The following BEGAIN variants were observed in gnomAD, a reference collection of about 807,000 sequenced individuals.
BEGAIN encodes brain enriched guanylate kinase associated, also known as brain-enriched guanylate kinase-associated protein.
Under a neutral mutation model 35.8 loss-of-function variants are expected in BEGAIN, and 19 were observed. The ratio of observed to expected loss-of-function variants is 0.53; its 90% CI spans 0.37 to 0.78. BEGAIN has a LOEUF of 0.78. BEGAIN is among the 30% of genes least tolerant of loss of function. The pLI, the probability that BEGAIN is intolerant of heterozygous loss-of-function variation, is 0.00. For missense variants in BEGAIN, 795 were observed against 853.6 expected (o/e 0.93, Z 0.85); for synonymous variants, 462 against 388.6 (o/e 1.19, Z -2.22).
In BEGAIN at chr14:100,573,345, G is replaced by A. The variant is rs12896257; in HGVS notation, c.43-5406C>T. ...GGGTGAGTCCTGGGAGGTCGCTAGAGGAGCAGCCCTGCGGCTGTGCCTGGT... is the reference window on the plus strand; with the variant it reads ...GGGTGAGTCCTGGGAGGTCGCTAGAAGAGCAGCCCTGCGGCTGTGCCTGGT... On this transcript the variant is annotated intron_variant, in intron 1 of 6. Transcript: ENST00000554140. The surrounding 1 kb of genome is among the most constrained non-coding windows in gnomAD (Gnocchi z 4.2). Among the ~76,000 whole-genome samples the A allele has an allele frequency of 6.6e-6, 1 of 152,110 alleles. No homozygotes were observed. Among genetic ancestry groups the A allele is most frequent in the Non-Finnish European group, 1.5e-5 (1 of 68,012 alleles).
At chr14:100,571,734 C>T (rs1003625820) in intron 1 of BEGAIN, among the ~76,000 whole-genome samples, 1 of 152,112 alleles carries the variant, frequency 6.6e-6, no homozygotes, top group African/African-American at 2.4e-5. Flanking sequence ...CATCCGACCC[C>T]CATGCCCAGC....
Position 100,567,899 on chromosome 14 carries a change from C to T in BEGAIN, c.71+12G>A, listed in dbSNP as rs769017696. The T allele has an allele frequency of 2.3e-5, 33 of 1,466,030 alleles. No individual in the cohort carries two copies. The highest frequency in any genetic ancestry group is 1.9e-4 in the Middle Eastern group (1 of 5,296). The allele number at this position is 1,466,030 out of a possible 1,614,324, so 90.8% of individuals were successfully genotyped here. On this transcript the variant is annotated intron_variant, in intron 2 of 6. Coordinates refer to ENST00000554140, the MANE Select transcript of BEGAIN (RefSeq NM_001385089.1). The surrounding 1 kb of genome is among the most constrained non-coding windows in gnomAD (Gnocchi z 5.1). ...CCCCCGCGAGCCGCGGCACGGGAGACGCTCCACTCACCTGAGTTTCTCCAT... is the reference window on the plus strand; with the variant it reads ...CCCCCGCGAGCCGCGGCACGGGAGATGCTCCACTCACCTGAGTTTCTCCAT...
At chr14:100,544,926 G>T in intron 4 of BEGAIN, 74 bp downstream of exon 4, 1 of 1,469,602 alleles carries the variant, frequency 6.8e-7, no homozygotes. Context: ...GAGTGGCCCA[G>T]GGGTGTCAGC....
At chr14:100,553,256 G>A (rs1317118186) in intron 2 of BEGAIN, among the ~76,000 whole-genome samples, 3 of 152,052 alleles carry the variant, frequency 2.0e-5, no homozygotes, top group African/African-American at 7.2e-5. Context: ...CTGGTGAGAT[G>A]CCCCTCCCGC....
intron 1 of BEGAIN, among the ~76,000 whole-genome samples, chr14:100,582,889 G>A (rs555815455): frequency 4.0e-5 from 6 of 151,880 alleles, no homozygotes; most frequent in African/African-American, 7.2e-5. Flanking sequence ...CTGACCCTGC[G>A]CCTGCGTAGT....
chr14:100,582,964 G>A (rs1018259740), intron 1 of BEGAIN, among the ~76,000 whole-genome samples: 1 of 151,292 alleles, frequency 6.6e-6, no homozygotes, highest in East Asian at 1.9e-4. Flanking sequence ...GGGAAATCAA[G>A]GCATGAGTGA....
chr14:100,542,476 A>C (rs1595108884), intron 5 of BEGAIN, among the ~76,000 whole-genome samples: 1 of 152,076 alleles, frequency 6.6e-6, no homozygotes, highest in Admixed American at 6.5e-5. Flanking sequence ...GCTCAACTCC[A>C]GACCCGGGCC....
intron 1 of BEGAIN, 30 bp downstream of exon 1, chr14:100,587,196 CCCGCCTCCGCGCCCGCGCCCGCG>C (rs2035464278): frequency 5.6e-6 from 1 of 178,444 alleles, no homozygotes; most frequent in Admixed American, 6.3e-5. Context: ...TGGCGCCCGC[CCCGCCTCCGCGCCCGCGCCCGCG>C]CCCTGCCCTC....
At chr14:100,559,181 G>A (rs929182497) in intron 2 of BEGAIN, among the ~76,000 whole-genome samples, 22 of 152,102 alleles carry the variant, frequency 1.4e-4, no homozygotes, top group African/African-American at 4.3e-4. Flanking sequence ...GGCTGTCTCC[G>A]AGAGCCAAGG....
rs138472168 is a variant in BEGAIN at position 100,546,536 on chromosome 14, C to T, written c.198G>A (p.Gln66=). 9.5e-6 allele frequency: 15 copies of T among 1,577,470 alleles called. No individual in the cohort carries two copies. The highest frequency in any genetic ancestry group is 1.1e-5 in the Non-Finnish European group (13 of 1,167,568). The change falls in exon 3 of 7, where the codon CAG becomes CAA. Residue 66 remains glutamine, a synonymous_variant. Transcript: ENST00000554140. ...TCTCCGTGACCTTCTCCAGTTCCTC[C>T]TGCGCGCGCCGCAGCTCGATCTCCA... The part of the protein sequence containing the change: ...HYLEIELRRA[Q]EELEKVTEKL...
chr14:100,561,614 G>A (rs554957247), intron 2 of BEGAIN, among the ~76,000 whole-genome samples: 117 of 152,178 alleles, frequency 7.7e-4, no homozygotes, highest in African/African-American at 2.7e-3. Flanking sequence ...CTGGTGTGGT[G>A]GCACATGACT....
Position 100,568,125 on chromosome 14 carries a change from G to A in BEGAIN, c.43-186C>T. On this transcript the variant is annotated intron_variant, in intron 1 of 6. Transcript: ENST00000554140. This position sits in a 1 kb window ranked among gnomAD's most constrained non-coding sequence, Gnocchi z 7.5. ...CCCCCGTGACTCAGTGGGCGCGCCG[G>A]GCCGCGGCCGAGTAACAGGTGAGCC... 1 of 1,011,926 alleles carries A rather than the reference G, an allele frequency of 9.9e-7. No homozygotes were observed. The highest frequency in any genetic ancestry group is 1.2e-6 in the Non-Finnish European group (1 of 847,356). The allele number at this position is 1,011,926 out of a possible 1,614,324, so 62.7% of individuals were successfully genotyped here.
At position 100,587,239 on chromosome 14, in the gene BEGAIN, A is replaced by G; in HGVS notation, c.42+10T>C. The G allele has an allele frequency of 5.2e-6, 1 of 192,012 alleles. No individual in the cohort carries two copies. Among genetic ancestry groups the G allele is most frequent in the Non-Finnish European group, 1.0e-5 (1 of 95,406 alleles). 11.9% of individuals were successfully genotyped at this position (192,012 alleles called of 1,614,324 possible). On this transcript the variant is annotated intron_variant, in intron 1 of 6. Transcript: ENST00000554140. Reference sequence around the variant, plus strand: ...CCCGCGCCCTGCCCTCCCGGCTCGCAGGTACTCACCGCCCGGCGCAGCCGG... The same window carrying G: ...CCCGCGCCCTGCCCTCCCGGCTCGCGGGTACTCACCGCCCGGCGCAGCCGG...
intron 3 of BEGAIN, 183 bp from the exon 4 acceptor site, chr14:100,545,249 AC>A: frequency 7.0e-7 from 1 of 1,425,494 alleles, no homozygotes; most frequent in Non-Finnish European, 9.2e-7. Context: ...ATTAAAGCAA[AC>A]TTTTGTAGAA....
chr14:100,552,581 G>A (rs1057358264), intron 2 of BEGAIN, among the ~76,000 whole-genome samples: 5 of 152,244 alleles, frequency 3.3e-5, no homozygotes, highest in Admixed American at 2.0e-4. Context: ...GCATGTTGCT[G>A]AGAGCCTGGC....
intron 1 of BEGAIN, among the ~76,000 whole-genome samples, chr14:100,570,924 C>A (rs2035061377): frequency 1.3e-5 from 2 of 152,204 alleles, no homozygotes. Flanking sequence ...GGCTGGAGAA[C>A]CGCGGCGCTG....
chr14:100,558,942 G>A lies in BEGAIN; in HGVS notation c.71+8969C>T, dbSNP rs368411941. On this transcript the variant is annotated intron_variant, in intron 2 of 6. Coordinates refer to ENST00000554140, the MANE Select transcript of BEGAIN (RefSeq NM_001385089.1). This position sits in a 1 kb window ranked among gnomAD's most constrained non-coding sequence, Gnocchi z 4.6. ...GAGCATGCCGGTGGGGCCAGGGCGC[G>A]TCCTGGAGATTGGTGTGGCCGGAGC... Among the ~76,000 whole-genome samples the A allele has an allele frequency of 6.6e-6, 1 of 152,088 alleles. No homozygotes were observed. Among genetic ancestry groups the A allele is most frequent in the African/African-American group, 2.4e-5 (1 of 41,420 alleles).
At chr14:100,569,058 C>G (rs1433790303) in intron 1 of BEGAIN, 1 of 571,094 alleles carries the variant, frequency 1.8e-6, no homozygotes, top group Non-Finnish European at 2.2e-6. Flanking sequence ...CTAGAAGGCC[C>G]GGCCCCGGGG....
chr14:100,572,143 C>T (rs1249769195), intron 1 of BEGAIN, among the ~76,000 whole-genome samples: 1 of 152,196 alleles, frequency 6.6e-6, no homozygotes, highest in Non-Finnish European at 1.5e-5. Flanking sequence ...TTCAAGCCTG[C>T]CCCTGCGCGG....
Sources: allele counts gnomAD v4.1 joint callset (sites outside exome capture counted in the v4.1 genomes callset), GRCh38; gene constraint gnomAD v4.1.1; non-coding constraint Gnocchi (gnomAD v3.1); transcripts MANE v1.5; gene names NCBI Gene and HGNC (gene_info 2026-07-23, HGNC 2026-07-21).